The following ADGRB3 variants were observed in gnomAD, a reference collection of about 807,000 sequenced individuals.
ADGRB3 encodes adhesion G protein-coupled receptor B3, also known as brain-specific angiogenesis inhibitor 3.
ADGRB3 carries 37 observed loss-of-function variants against 193.4 expected under a neutral mutation model. The observed-to-expected ratio is 0.19, with a 90% confidence interval of 0.15 to 0.25. The LOEUF (loss-of-function observed/expected upper bound fraction) is 0.25. ADGRB3 is among the 10% of genes least tolerant of loss of function. ADGRB3 has a pLI of 1.00. For missense variants in ADGRB3, 1,637 were observed against 1,852.9 expected, an observed-to-expected ratio of 0.88 and a Z score of 2.14; for synonymous variants, 690 against 644.2, an observed-to-expected ratio of 1.07 and a Z score of -1.08.
intron 3 of ADGRB3, among the ~76,000 whole-genome samples, chr6:68,912,725 T>C (rs1271261479): frequency 6.6e-6 from 1 of 152,142 alleles, no homozygotes; most frequent in East Asian, 1.9e-4. Context: ...TGCATAGTAT[T>C]CCATGTTGTA....
intron 26 of ADGRB3, among the ~76,000 whole-genome samples, chr6:69,347,029 T>TTG: frequency 6.6e-6 from 1 of 151,992 alleles, no homozygotes; most frequent in East Asian, 1.9e-4. Flanking sequence ...TACGCAGCCA[T>TTG]AAAAAGGATG....
At chr6:68,813,730 C>T (rs569893772) in intron 3 of ADGRB3, among the ~76,000 whole-genome samples, 108 of 152,166 alleles carry the variant, frequency 7.1e-4, no homozygotes, top group African/African-American at 2.5e-3. Context: ...CAACAGGCCC[C>T]GGTGTGTGAT....
chr6:68,758,017 C>T (rs1158540209), intron 3 of ADGRB3, among the ~76,000 whole-genome samples: 2 of 152,068 alleles, frequency 1.3e-5, no homozygotes, highest in Non-Finnish European at 2.9e-5. Context: ...GGAAGCACCA[C>T]AGTGAAAGTC....
At chr6:68,777,845 C>T (rs566241359) in intron 3 of ADGRB3, among the ~76,000 whole-genome samples, 10 of 151,962 alleles carry the variant, frequency 6.6e-5, no homozygotes, top group South Asian at 6.2e-4. Context: ...ACAAAAATAC[C>T]GATTTGATAG....
intron 17 of ADGRB3, among the ~76,000 whole-genome samples, chr6:69,193,226 A>G (rs1765231296): frequency 6.6e-6 from 1 of 152,070 alleles, no homozygotes; most frequent in Non-Finnish European, 1.5e-5. Flanking sequence ...CTCTGACTCA[A>G]CATTCCATCT....
intron 3 of ADGRB3, among the ~76,000 whole-genome samples, chr6:68,719,006 A>T (rs1275931278): frequency 6.6e-6 from 1 of 151,800 alleles, no homozygotes; most frequent in Non-Finnish European, 1.5e-5. Context: ...CCTCTGAACT[A>T]AAATGTGTGG....
chr6:68,957,187 A>G (rs972849240), intron 8 of ADGRB3, among the ~76,000 whole-genome samples: 9 of 152,196 alleles, frequency 5.9e-5, no homozygotes, highest in African/African-American at 2.2e-4. Flanking sequence ...CGTTTGCCCC[A>G]TTTTTCATTG....
At chr6:69,011,133 A>ATGTGTGTGTGTGTGTG (rs1312979149) in intron 11 of ADGRB3, among the ~76,000 whole-genome samples, 3 of 97,216 alleles carry the variant, frequency 3.1e-5, no homozygotes, top group African/African-American at 9.3e-5. Context: ...ATATACATAT[A>ATGTGTGTGTGTGTGTG]TATGTGTGTG....
intron 3 of ADGRB3, among the ~76,000 whole-genome samples, chr6:68,751,127 A>G (rs1179530143): frequency 6.6e-6 from 1 of 152,214 alleles, no homozygotes; most frequent in East Asian, 1.9e-4. Context: ...TCCAGGCTCT[A>G]CTACCTAACA....
At chr6:69,176,876 G>A (rs1775440385) in intron 17 of ADGRB3, among the ~76,000 whole-genome samples, 1 of 152,068 alleles carries the variant, frequency 6.6e-6, no homozygotes, top group African/African-American at 2.4e-5. Context: ...ATGCTTCTAG[G>A]AATTTATCTA....
intron 3 of ADGRB3, among the ~76,000 whole-genome samples, chr6:68,817,850 C>G (rs1031011512): frequency 6.6e-6 from 1 of 152,016 alleles, no homozygotes; most frequent in African/African-American, 2.4e-5. Flanking sequence ...TTAATGATCT[C>G]TTTTCACCAT....
At chr6:68,938,611 G>A (rs1457627177) in intron 5 of ADGRB3, among the ~76,000 whole-genome samples, 1 of 151,872 alleles carries the variant, frequency 6.6e-6, no homozygotes, top group African/African-American at 2.4e-5. Flanking sequence ...TAGTCACCAT[G>A]CGGTATAATA....
intron 3 of ADGRB3, among the ~76,000 whole-genome samples, chr6:68,780,297 A>G (rs1365797799): frequency 6.6e-6 from 1 of 152,054 alleles, no homozygotes; most frequent in Non-Finnish European, 1.5e-5. Context: ...CCAGTGCCTC[A>G]TGGTTAATTC....
chr6:68,879,000 C>T (rs966267718), intron 3 of ADGRB3, among the ~76,000 whole-genome samples: 5 of 152,082 alleles, frequency 3.3e-5, no homozygotes, highest in African/African-American at 1.2e-4. Flanking sequence ...CATCTCCCAC[C>T]GGCTCTCTTT....
chr6:68,918,433 A>C (rs1388605783), intron 3 of ADGRB3, among the ~76,000 whole-genome samples: 1 of 152,172 alleles, frequency 6.6e-6, no homozygotes, highest in East Asian at 1.9e-4. Flanking sequence ...AAATCACTGG[A>C]AGGACCATGT....
At chr6:69,324,094 C>A (rs1441889531) in intron 20 of ADGRB3, among the ~76,000 whole-genome samples, 2 of 152,026 alleles carry the variant, frequency 1.3e-5, no homozygotes, top group African/African-American at 2.4e-5. Flanking sequence ...AAGTAGCAAC[C>A]TTTACCAAAA....
chr6:68,850,991 T>C (rs1373637953), intron 3 of ADGRB3, among the ~76,000 whole-genome samples: 1 of 152,002 alleles, frequency 6.6e-6, no homozygotes, highest in Non-Finnish European at 1.5e-5. Context: ...CAATGTGTTA[T>C]TTAATAATAT....
At chr6:69,191,810 A>G (rs1765193855) in intron 17 of ADGRB3, among the ~76,000 whole-genome samples, 1 of 152,148 alleles carries the variant, frequency 6.6e-6, no homozygotes, top group African/African-American at 2.4e-5. Context: ...GAGACCATAA[A>G]ACAAGTAAAA....
intron 3 of ADGRB3, among the ~76,000 whole-genome samples, chr6:68,785,629 G>A (rs1766951407): frequency 6.6e-6 from 1 of 152,064 alleles, no homozygotes; most frequent in African/African-American, 2.4e-5. Context: ...ATATGCATGT[G>A]TCTTTATAGG....
Sources: allele counts gnomAD v4.1 joint callset (sites outside exome capture counted in the v4.1 genomes callset), GRCh38; gene constraint gnomAD v4.1.1; transcripts MANE v1.5; gene names NCBI Gene and HGNC (gene_info 2026-07-23, HGNC 2026-07-21).